Variants in PREX2 observed in about 807,000 individuals in gnomAD.
PREX2 encodes the protein phosphatidylinositol-3,4,5-trisphosphate dependent Rac exchange factor 2, also known as phosphatidylinositol 3,4,5-trisphosphate-dependent Rac exchanger 2 protein.
PREX2 carries 107 observed loss-of-function variants against 203.2 expected under a neutral mutation model. The observed-to-expected ratio is 0.53, with a 90% CI of 0.45 to 0.62. PREX2 has a LOEUF of 0.62. Ranked by LOEUF, PREX2 falls within the 20% of genes least tolerant of loss-of-function variation. The pLI, the probability that PREX2 is intolerant of heterozygous loss-of-function variation, is 0.00. For missense variants in PREX2, 1,777 were observed against 1,955.9 expected, an observed-to-expected ratio of 0.91 and a Z score of 1.72; for synonymous variants, 672 against 663.6, an observed-to-expected ratio of 1.01 and a Z score of -0.19.
chr8:68,029,852 C>A (rs1363462028), intron 5 of PREX2, among the ~76,000 whole-genome samples: 1 of 152,034 alleles, frequency 6.6e-6, no homozygotes. Context: ...CCCTCCAAAT[C>A]CCCTAAATAC....
chr8:68,118,209 G>A (rs1034406129), intron 26 of PREX2, among the ~76,000 whole-genome samples: 3 of 151,980 alleles, frequency 2.0e-5, no homozygotes, highest in African/African-American at 7.3e-5. Context: ...CAAAAAATTA[G>A]CCTGGTGTGG....
intron 23 of PREX2, chr8:68,105,681 T>TA (rs57440333): frequency 0.91 from 231,081 of 254,818 alleles, 104,047 homozygotes; most frequent in East Asian, 0.97. Flanking sequence ...TATATATGGA[T>TA]TATATATATA....
chr8:68,070,410 T>C (rs998081051), intron 13 of PREX2, among the ~76,000 whole-genome samples: 1 of 151,968 alleles, frequency 6.6e-6, no homozygotes, highest in Non-Finnish European at 1.5e-5. Context: ...ATGTTTTTCC[T>C]TCTGAAGAGG....
chr8:67,955,380 C>T lies in PREX2; in HGVS notation c.141+2845C>T, dbSNP rs556295955. ...TCTGTAGTTGCCCCCAGGCACACAC[C>T]GCTGTTTGAACAAAGCTCTGTGTCT... On this transcript the variant is annotated intron_variant, in intron 1 of 39. Transcript: ENST00000288368. Among the ~76,000 whole-genome samples the T allele has an allele frequency of 1.2e-4, 18 of 152,200 alleles. No individual in the cohort carries two copies. In the East Asian group the frequency reaches 1.5e-3, roughly 13 times the overall value.
chr8:68,106,843 T>C (rs918110878), intron 23 of PREX2, among the ~76,000 whole-genome samples: 2 of 152,184 alleles, frequency 1.3e-5, no homozygotes, highest in African/African-American at 4.8e-5. Flanking sequence ...ATAGACATTA[T>C]TTAATCCATG....
chr8:68,226,036 T>C lies in PREX2; in HGVS notation c.4775+1410T>C, dbSNP rs543220015. ...AAAAGAAACCAATGAATTTGCTTTT[T>C]TTTTCTTTATTGGGTGATGTTAAAA... On this transcript the variant is annotated intron_variant, in intron 39 of 39. Coordinates refer to ENST00000288368, the MANE Select transcript of PREX2 (RefSeq NM_024870.4). 2.2e-3 allele frequency among the ~76,000 whole-genome samples: 336 copies of C among 152,286 alleles called. 4 individuals are homozygous for C. In the East Asian group the frequency reaches 0.051, roughly 23 times the overall value.
chr8:68,201,725 C>A (rs573970099), intron 37 of PREX2, among the ~76,000 whole-genome samples: 1 of 152,106 alleles, frequency 6.6e-6, no homozygotes, highest in Non-Finnish European at 1.5e-5. Flanking sequence ...TACTTTGCAT[C>A]CTTCAGTCCA....
intron 23 of PREX2, chr8:68,105,151 A>G (rs777376250): frequency 1.0e-5 from 14 of 1,367,806 alleles, no homozygotes; most frequent in Admixed American, 1.9e-5. Flanking sequence ...CAAGCTTCAG[A>G]AAGGTTTTAC....
chr8:68,069,209 G>A, intron 12 of PREX2, 73 bp downstream of exon 12: 1 of 749,514 alleles, frequency 1.3e-6, no homozygotes, highest in Non-Finnish European at 2.2e-6. Flanking sequence ...AAAGGTAGTT[G>A]AGAAACATAA....
intron 1 of PREX2, 156 bp downstream of exon 1, chr8:67,952,691 G>T (rs1805388606): frequency 9.5e-7 from 1 of 1,056,840 alleles, no homozygotes; most frequent in Admixed American, 2.1e-5. Flanking sequence ...CTCTGCGTTC[G>T]CGGGCGCGGT....
intron 37 of PREX2, among the ~76,000 whole-genome samples, chr8:68,212,720 T>C (rs1812762898): frequency 6.6e-6 from 1 of 152,210 alleles, no homozygotes; most frequent in South Asian, 2.1e-4. Context: ...ATAGAGAGAA[T>C]AGAACAATTA....
At position 68,005,579 on chromosome 8, in the gene PREX2, AC is replaced by A. The variant is rs556682015; in HGVS notation, c.142-12263del. ...TCTCTCCTTCCTTTGGGTCGTACATACCCCTCTTTCACTCCAATTGTTGGTG... is the reference window on the plus strand; with the variant it reads ...TCTCTCCTTCCTTTGGGTCGTACATACCCTCTTTCACTCCAATTGTTGGTG... On this transcript the variant is annotated intron_variant, in intron 1 of 39. Transcript: ENST00000288368. 3.2e-4 allele frequency among the ~76,000 whole-genome samples: 49 copies of A among 152,074 alleles called. No individual in the cohort carries two copies. In the South Asian group the frequency reaches 8.9e-3, roughly 28 times the overall value.
At chr8:68,199,409 G>C (rs75042384) in intron 37 of PREX2, among the ~76,000 whole-genome samples, 2 of 152,262 alleles carry the variant, frequency 1.3e-5, no homozygotes, top group East Asian at 3.9e-4. Flanking sequence ...ACAATGCTGG[G>C]TATATTTTCA....
chr8:68,227,414 AG>A (rs546621914), intron 39 of PREX2, among the ~76,000 whole-genome samples: 4 of 152,298 alleles, frequency 2.6e-5, no homozygotes, highest in African/African-American at 9.6e-5. Flanking sequence ...GCACACGCAC[AG>A]GGAGGAGATG....
intron 10 of PREX2, among the ~76,000 whole-genome samples, chr8:68,057,358 G>C (rs539893891): frequency 6.6e-6 from 1 of 152,090 alleles, no homozygotes; most frequent in Non-Finnish European, 1.5e-5. Flanking sequence ...ATAGTAGTGT[G>C]GGAATGGACT....
intron 2 of PREX2, among the ~76,000 whole-genome samples, chr8:68,018,810 A>T (rs916278965): frequency 3.3e-5 from 5 of 152,198 alleles, no homozygotes. Flanking sequence ...GATATTTATG[A>T]TGCTAACTTA....
intron 1 of PREX2, among the ~76,000 whole-genome samples, chr8:67,979,410 C>T (rs1038587780): frequency 6.6e-6 from 1 of 152,162 alleles, no homozygotes; most frequent in Admixed American, 6.5e-5. Context: ...GGGCTATTTA[C>T]TTTAAAAATC....
chr8:68,120,897 G>A (rs758020316), intron 29 of PREX2, 24 bp from the exon 30 acceptor site: 1 of 1,606,232 alleles, frequency 6.2e-7, no homozygotes, highest in African/African-American at 1.3e-5. Context: ...TGAGACTTAA[G>A]AGAGATTTTC....
chr8:67,953,595 A>G lies in PREX2; in HGVS notation c.141+1060A>G, dbSNP rs577584143. 1.0e-3 allele frequency among the ~76,000 whole-genome samples: 153 copies of G among 152,194 alleles called. 1 individual carries two copies. Among genetic ancestry groups the G allele is most frequent in the Admixed American group, 2.6e-3 (40 of 15,294 alleles). Reference sequence around the variant, plus strand: ...CTGAAGGAAAATATTTCAGGTGCCAAACTTCCTGCTTAGTGTTCTGAAATC... The same window carrying G: ...CTGAAGGAAAATATTTCAGGTGCCAGACTTCCTGCTTAGTGTTCTGAAATC... On this transcript the variant is annotated intron_variant, in intron 1 of 39. Transcript: ENST00000288368.
Sources: allele counts gnomAD v4.1 joint callset (sites outside exome capture counted in the v4.1 genomes callset), GRCh38; gene constraint gnomAD v4.1.1; transcripts MANE v1.5; gene names NCBI Gene and HGNC (gene_info 2026-07-23, HGNC 2026-07-21).